Variants in LYPLAL1 observed in about 807,000 individuals in gnomAD.
The protein encoded by LYPLAL1 is lysophospholipase-like protein 1.
A neutral mutation model predicts 19.7 loss-of-function variants in LYPLAL1; 23 were observed. The ratio of observed to expected loss-of-function variants is 1.17; its 90% CI spans 0.84 to 1.65. The LOEUF is 1.65. Ranked by LOEUF, LYPLAL1 falls within the 40% of genes most tolerant of loss-of-function variation. LYPLAL1 has a pLI of 0.00. For synonymous variants in LYPLAL1, 119 were observed against 96.3 expected, an observed-to-expected ratio of 1.24 and a Z score of -1.38; for missense variants, 355 against 279.4, an observed-to-expected ratio of 1.27 and a Z score of -1.93.
At chr1:219,280,499 A>T in the LYPLAL1 span, among the ~76,000 whole-genome samples, 1 of 152,046 alleles carries the variant, frequency 6.6e-6, no homozygotes, top group African/African-American at 2.4e-5. Flanking sequence ...GAGAGGGGAG[A>T]TGAAGGGATA....
chr1:219,289,719 G>T, the LYPLAL1 span, among the ~76,000 whole-genome samples: 1 of 151,924 alleles, frequency 6.6e-6, no homozygotes. Context: ...ACTTTCAAGC[G>T]TATTGTTTTA....
the LYPLAL1 span, among the ~76,000 whole-genome samples, chr1:219,362,697 T>C: frequency 6.6e-6 from 1 of 152,080 alleles, no homozygotes. Context: ...ATGAAAGCCA[T>C]GGTTGAAAAG....
the LYPLAL1 span, among the ~76,000 whole-genome samples, chr1:219,254,712 T>C: frequency 1.3e-5 from 2 of 151,986 alleles, no homozygotes; most frequent in African/African-American, 4.8e-5. Context: ...CCTTTAACAT[T>C]CTTTCATTTC....
chr1:219,298,473 G>C, the LYPLAL1 span, among the ~76,000 whole-genome samples: 1 of 152,162 alleles, frequency 6.6e-6, no homozygotes, highest in Non-Finnish European at 1.5e-5. Flanking sequence ...TAGCCACTAA[G>C]GGAATGAGAA....
the LYPLAL1 span, among the ~76,000 whole-genome samples, chr1:219,308,797 G>A: frequency 6.6e-6 from 1 of 152,228 alleles, no homozygotes; most frequent in Admixed American, 6.5e-5. Flanking sequence ...GGCTCTCACA[G>A]AGAACCTCTG....
chr1:219,264,864 T>C, the LYPLAL1 span, among the ~76,000 whole-genome samples: 6 of 152,332 alleles, frequency 3.9e-5, no homozygotes, highest in African/African-American at 1.4e-4. Flanking sequence ...AAGTCCCTGA[T>C]GTAAAACTGG....
At chr1:219,330,817 C>T in the LYPLAL1 span, among the ~76,000 whole-genome samples, 1 of 152,198 alleles carries the variant, frequency 6.6e-6, no homozygotes, top group Non-Finnish European at 1.5e-5. Context: ...CACCATGAAT[C>T]TGTGATCCAC....
Position 219,210,616 on chromosome 1 carries a change from G to T in LYPLAL1, c.446G>T (p.Ser149Ile). 6.2e-7 allele frequency: 1 copy of T among 1,609,380 alleles called. No individual in the cohort carries two copies. The change falls in exon 4 of 5, where the codon AGT becomes ATT. Residue 149 changes from serine (S) to isoleucine (I), a missense_variant. Physicochemically the swap from Ser to Ile is moderately radical, Grantham distance 142. Transcript: ENST00000366928. ...QDVAGVFALS[S>I]FLNKASAVYQ... Reference sequence around the variant, plus strand: ...GTGGCAGGAGTATTTGCTCTTTCTAGTTTTCTGAATAAAGCATCTGCTGTT... The same window carrying T: ...GTGGCAGGAGTATTTGCTCTTTCTATTTTTCTGAATAAAGCATCTGCTGTT...
At chr1:219,226,482 G>A in the LYPLAL1 span, among the ~76,000 whole-genome samples, 2 of 152,010 alleles carry the variant, frequency 1.3e-5, no homozygotes, top group Non-Finnish European at 2.9e-5. Flanking sequence ...TCTTCCCTGA[G>A]AAGCCACGTA....
chr1:219,232,864 T>TA, the LYPLAL1 span, among the ~76,000 whole-genome samples: 50,342 of 144,430 alleles, frequency 0.35, 9,186 homozygotes, highest in East Asian at 0.66. Flanking sequence ...GGCTACTATT[T>TA]AAAAAAAAAA....
At chr1:219,298,167 A>T in the LYPLAL1 span, among the ~76,000 whole-genome samples, 2 of 152,172 alleles carry the variant, frequency 1.3e-5, no homozygotes, top group African/African-American at 4.8e-5. Flanking sequence ...AAAATTTGTC[A>T]GGCATGGTGG....
the LYPLAL1 span, among the ~76,000 whole-genome samples, chr1:219,433,039 G>A: frequency 1.3e-5 from 2 of 152,186 alleles, no homozygotes; most frequent in African/African-American, 4.8e-5. Flanking sequence ...TTGCACCCCA[G>A]ATGCAGGACC....
the LYPLAL1 span, among the ~76,000 whole-genome samples, chr1:219,358,457 A>G: frequency 5.9e-5 from 9 of 152,212 alleles, no homozygotes; most frequent in African/African-American, 1.7e-4. Flanking sequence ...TCACAGCACT[A>G]TAAAGAACTG....
chr1:219,315,485 T>C, the LYPLAL1 span, among the ~76,000 whole-genome samples: 1 of 152,180 alleles, frequency 6.6e-6, no homozygotes, highest in African/African-American at 2.4e-5. Context: ...GAAACAAATT[T>C]TGATGAGGTA....
At position 219,179,153 on chromosome 1, in the gene LYPLAL1, C is replaced by T. The variant is rs1656056354; in HGVS notation, c.98C>T (p.Ser33Phe). 2 of 1,602,260 alleles carry T rather than the reference C, an allele frequency of 1.2e-6. No individual in the cohort carries two copies. The highest frequency in any genetic ancestry group is 1.1e-5 in the South Asian group (1 of 88,924). Reference protein sequence around the residue: ...SLIFLHGSGDSGQGLRMWIKQ... With the variant: ...SLIFLHGSGDFGQGLRMWIKQ... ...AGATTTTTTGATTCATCAGGTGATT[C>T]TGGACAAGGATTAAGAATGTGGATC... The change falls in exon 2 of 5, where the codon TCT (serine) becomes TTT (phenylalanine). Residue 33 changes from serine to phenylalanine, a missense_variant. Physicochemically the swap from Ser to Phe is radical, Grantham distance 155 (BLOSUM62 -2). Coordinates refer to ENST00000366928, the MANE Select transcript of LYPLAL1 (RefSeq NM_138794.5).
the LYPLAL1 span, among the ~76,000 whole-genome samples, chr1:219,251,843 C>A: frequency 6.6e-6 from 1 of 152,146 alleles, no homozygotes; most frequent in Admixed American, 6.6e-5. Context: ...ATAGGAATAG[C>A]ATTGAATCTA....
chr1:219,200,625 C>T, intron 3 of LYPLAL1: 1 of 195,364 alleles, frequency 5.1e-6, no homozygotes, highest in South Asian at 1.0e-4. Context: ...CTCACAAGAT[C>T]TCTTTTGGGG....
the LYPLAL1 span, among the ~76,000 whole-genome samples, chr1:219,436,727 A>T: frequency 6.6e-6 from 1 of 152,202 alleles, no homozygotes; most frequent in Non-Finnish European, 1.5e-5. Flanking sequence ...AGTGAATTTT[A>T]TTATTATGAA....
chr1:219,323,906 T>G, the LYPLAL1 span, among the ~76,000 whole-genome samples: 2 of 152,302 alleles, frequency 1.3e-5, no homozygotes, highest in East Asian at 3.9e-4. Flanking sequence ...TAGTAATAAT[T>G]AAAAGGCAGT....
Sources: allele counts gnomAD v4.1 joint callset (sites outside exome capture counted in the v4.1 genomes callset), GRCh38; gene constraint gnomAD v4.1.1; transcripts MANE v1.5; gene names NCBI Gene and HGNC (gene_info 2026-07-23, HGNC 2026-07-21).